The following RHOU variants were observed in gnomAD, a reference collection of about 807,000 sequenced individuals.
The protein encoded by RHOU is ras homolog family member U, also known as rho-related GTP-binding protein RhoU.
In RHOU, 8 loss-of-function variants were observed where a neutral mutation model predicts 12.6. The observed-to-expected ratio is 0.64, with a 90% CI of 0.37 to 1.15. The LOEUF is 1.15. Ranked by LOEUF, RHOU falls within the 50% of genes most tolerant of loss-of-function variation. The pLI is 0.01. For missense variants in RHOU, 258 were observed against 347.0 expected (o/e 0.74, Z 2.04); for synonymous variants, 161 against 147.4 (o/e 1.09, Z -0.67).
At chr1:228,693,756 G>A in the RHOU span, among the ~76,000 whole-genome samples, 8 of 152,212 alleles carry the variant, frequency 5.3e-5, no homozygotes, top group African/African-American at 9.6e-5. Flanking sequence ...ATGAGCCACC[G>A]CTCCCGGCAC....
At chr1:228,646,928 G>C in the RHOU span, among the ~76,000 whole-genome samples, 281 of 152,212 alleles carry the variant, frequency 1.8e-3, 3 homozygotes, top group African/African-American at 6.3e-3. Context: ...GAGAGGTGGA[G>C]AGGTAAAGAG....
At chr1:228,740,754 A>G (rs1229010195) in intron 2 of RHOU, among the ~76,000 whole-genome samples, 1 of 152,222 alleles carries the variant, frequency 6.6e-6, no homozygotes, top group East Asian at 1.9e-4. Context: ...ATAGGCTAGA[A>G]CTTGGGGATG....
chr1:228,711,959 A>G, the RHOU span, among the ~76,000 whole-genome samples: 5 of 139,862 alleles, frequency 3.6e-5, no homozygotes, highest in Admixed American at 7.4e-5. Flanking sequence ...AAACAAATTT[A>G]CAAGAAAAAA....
chr1:228,730,448 C>G, the RHOU span, among the ~76,000 whole-genome samples: 1 of 152,168 alleles, frequency 6.6e-6, no homozygotes, highest in Non-Finnish European at 1.5e-5. Context: ...AAGCAGGAGG[C>G]TAGTGAGGAT....
the RHOU span, among the ~76,000 whole-genome samples, chr1:228,654,362 C>G: frequency 6.6e-6 from 1 of 152,202 alleles, no homozygotes; most frequent in Non-Finnish European, 1.5e-5. Context: ...CAACCTCAGC[C>G]TCCCAAAGTG....
At chr1:228,689,875 A>C in the RHOU span, among the ~76,000 whole-genome samples, 7 of 152,060 alleles carry the variant, frequency 4.6e-5, no homozygotes, top group African/African-American at 1.7e-4. Context: ...GTTGGGAACC[A>C]CTGTTATAAG....
chr1:228,710,947 A>G, the RHOU span, among the ~76,000 whole-genome samples: 3 of 151,270 alleles, frequency 2.0e-5, no homozygotes, highest in Non-Finnish European at 4.4e-5. Flanking sequence ...TAAGCTGATA[A>G]GCAACTTCAG....
At chr1:228,701,911 C>A in the RHOU span, among the ~76,000 whole-genome samples, 1 of 151,588 alleles carries the variant, frequency 6.6e-6, no homozygotes, top group Non-Finnish European at 1.5e-5. Flanking sequence ...AATTTTAACT[C>A]TTAGTCACCC....
the RHOU span, among the ~76,000 whole-genome samples, chr1:228,672,619 G>T: frequency 1.3e-5 from 2 of 152,190 alleles, no homozygotes; most frequent in Non-Finnish European, 1.5e-5. Context: ...CCTCAAAGAT[G>T]ATGATGCACA....
At chr1:228,649,612 T>G in the RHOU span, among the ~76,000 whole-genome samples, 1 of 152,250 alleles carries the variant, frequency 6.6e-6, no homozygotes, top group African/African-American at 2.4e-5. Context: ...CATTTGATGC[T>G]GTTTTGATAA....
At chr1:228,650,520 C>A in the RHOU span, 2 of 456,486 alleles carry the variant, frequency 4.4e-6, no homozygotes, top group Non-Finnish European at 8.8e-6. Flanking sequence ...GGAGCTGCCA[C>A]GGGCAGAAGC....
the RHOU span, among the ~76,000 whole-genome samples, chr1:228,698,783 C>T: frequency 2.0e-5 from 3 of 152,178 alleles, no homozygotes; most frequent in Non-Finnish European, 4.4e-5. Flanking sequence ...TCCCCCACAT[C>T]GGCCCTTTGT....
the RHOU span, among the ~76,000 whole-genome samples, chr1:228,671,538 G>A: frequency 1.3e-5 from 2 of 151,652 alleles, no homozygotes; most frequent in Non-Finnish European, 2.9e-5. Flanking sequence ...CCAATGTGGT[G>A]AAACCCCGTC....
chr1:228,718,976 TA>T, the RHOU span, among the ~76,000 whole-genome samples: 1 of 152,212 alleles, frequency 6.6e-6, no homozygotes, highest in Non-Finnish European at 1.5e-5. Flanking sequence ...AGTATGGCTT[TA>T]AAACAGAATA....
chr1:228,677,890 G>A, the RHOU span, among the ~76,000 whole-genome samples: 1 of 152,086 alleles, frequency 6.6e-6, no homozygotes, highest in African/African-American at 2.4e-5. Context: ...GTATATAGGT[G>A]GGAAGGCCAA....
the RHOU span, chr1:228,650,974 CTG>C: frequency 2.9e-6 from 1 of 343,144 alleles, no homozygotes; most frequent in Non-Finnish European, 5.8e-6. Flanking sequence ...ACTTCATTGA[CTG>C]TGTCAGAGAA....
chr1:228,728,406 CACTT>C, the RHOU span, among the ~76,000 whole-genome samples: 1 of 152,266 alleles, frequency 6.6e-6, no homozygotes, highest in East Asian at 1.9e-4. Flanking sequence ...AATATTAAAA[CACTT>C]ATAAATAGCC....
At chr1:228,712,309 G>C in the RHOU span, among the ~76,000 whole-genome samples, 1 of 147,892 alleles carries the variant, frequency 6.8e-6, no homozygotes, top group Non-Finnish European at 1.5e-5. Flanking sequence ...CCCATTACTG[G>C]GTATATACCC....
At chr1:228,696,008 C>G in the RHOU span, among the ~76,000 whole-genome samples, 1 of 152,128 alleles carries the variant, frequency 6.6e-6, no homozygotes, top group South Asian at 2.1e-4. Flanking sequence ...TTTGGAGAAT[C>G]TAAGGATTTT....
Sources: allele counts gnomAD v4.1 joint callset (sites outside exome capture counted in the v4.1 genomes callset), GRCh38; gene constraint gnomAD v4.1.1; transcripts MANE v1.5; gene names NCBI Gene and HGNC (gene_info 2026-07-23, HGNC 2026-07-21).